The following TAFA2 variants were observed in gnomAD, a reference collection of about 807,000 sequenced individuals.
TAFA2 encodes the protein TAFA chemokine like family member 2.
Under a neutral mutation model 18.8 loss-of-function variants are expected in TAFA2, and 7 were observed. That is an observed-to-expected ratio of 0.37 (90% CI 0.21 to 0.70). The LOEUF (loss-of-function observed/expected upper bound fraction) is 0.70, where lower values mean the gene tolerates loss of function less well. Ranked by LOEUF, TAFA2 falls within the 30% of genes least tolerant of loss-of-function variation. TAFA2 has a pLI of 0.53. For synonymous variants in TAFA2, 60 were observed against 54.2 expected (o/e 1.11, Z -0.47); for missense variants, 122 against 158.1 (o/e 0.77, Z 1.23).
At chr12:61,999,913 C>T (rs1257139835) in intron 1 of TAFA2, among the ~76,000 whole-genome samples, 7 of 152,132 alleles carry the variant, frequency 4.6e-5, no homozygotes, top group Non-Finnish European at 7.4e-5. Context: ...AGCATCTTGG[C>T]TCATATAGGT....
At chr12:61,989,695 TC>T (rs1410341239) in intron 1 of TAFA2, among the ~76,000 whole-genome samples, 1 of 152,156 alleles carries the variant, frequency 6.6e-6, no homozygotes, top group Non-Finnish European at 1.5e-5. Context: ...CTGGCAAGCT[TC>T]CAATCATTTG....
chr12:62,112,514 T>G (rs1869779826), intron 1 of TAFA2, among the ~76,000 whole-genome samples: 1 of 151,926 alleles, frequency 6.6e-6, no homozygotes, highest in Non-Finnish European at 1.5e-5. Flanking sequence ...TCTGTATTTC[T>G]AATTTGAATG....
intron 1 of TAFA2, among the ~76,000 whole-genome samples, chr12:62,182,591 A>G (rs2062559575): frequency 6.6e-6 from 1 of 152,176 alleles, no homozygotes; most frequent in African/African-American, 2.4e-5. Context: ...TTCCCTGGTA[A>G]TTTGTGTACA....
intron 1 of TAFA2, among the ~76,000 whole-genome samples, chr12:61,868,579 A>G (rs1227438703): frequency 1.3e-5 from 2 of 151,856 alleles, no homozygotes; most frequent in South Asian, 2.1e-4. Context: ...TTTTTTGTAC[A>G]TTTTTACCTC....
intron 1 of TAFA2, among the ~76,000 whole-genome samples, chr12:61,890,813 A>C (rs73129642): frequency 0.34 from 52,073 of 152,028 alleles, 10,220 homozygotes; most frequent in Admixed American, 0.49. Context: ...AACCATTTTC[A>C]GTGTTTTCCT....
chr12:62,189,653 G>T (rs2062609133), intron 1 of TAFA2, among the ~76,000 whole-genome samples: 1 of 152,126 alleles, frequency 6.6e-6, no homozygotes, highest in South Asian at 2.1e-4. Context: ...AGCTTTAGAA[G>T]TGTTTTTAAT....
At chr12:62,081,581 T>G (rs1161269309) in intron 1 of TAFA2, among the ~76,000 whole-genome samples, 1 of 151,984 alleles carries the variant, frequency 6.6e-6, no homozygotes, top group African/African-American at 2.4e-5. Context: ...GCCTCCCAGG[T>G]TCAAGTGATT....
intron 1 of TAFA2, among the ~76,000 whole-genome samples, chr12:62,152,999 T>C (rs1004477233): frequency 3.9e-5 from 6 of 152,192 alleles, no homozygotes; most frequent in Non-Finnish European, 8.8e-5. Flanking sequence ...CTATTAATAA[T>C]GCTAGCACCA....
At chr12:62,143,766 G>A (rs1192653914) in intron 1 of TAFA2, among the ~76,000 whole-genome samples, 4 of 151,962 alleles carry the variant, frequency 2.6e-5, no homozygotes, top group Non-Finnish European at 5.9e-5. Context: ...AATTCGGCAG[G>A]GTGTGGTGGC....
intron 1 of TAFA2, among the ~76,000 whole-genome samples, chr12:61,931,299 T>C (rs757697491): frequency 6.6e-6 from 1 of 152,190 alleles, no homozygotes; most frequent in East Asian, 1.9e-4. Flanking sequence ...TTATATTAGA[T>C]TGGAAATCTC....
intron 4 of TAFA2, among the ~76,000 whole-genome samples, chr12:61,730,818 A>T (rs1204726848): frequency 6.6e-6 from 1 of 152,104 alleles, no homozygotes; most frequent in African/African-American, 2.4e-5. Context: ...CAGGGCTGAG[A>T]TCTTGTCCCA....
intron 2 of TAFA2, among the ~76,000 whole-genome samples, chr12:61,778,293 A>T (rs1430874279): frequency 6.6e-6 from 1 of 151,790 alleles, no homozygotes; most frequent in Non-Finnish European, 1.5e-5. Flanking sequence ...GAAGCTGCCA[A>T]GAAAAACTTT....
At chr12:61,852,936 A>G (rs964766470) in intron 2 of TAFA2, among the ~76,000 whole-genome samples, 1 of 152,204 alleles carries the variant, frequency 6.6e-6, no homozygotes, top group African/African-American at 2.4e-5. Context: ...CAAAGGGTAC[A>G]AACCTTTAGC....
chr12:62,001,811 T>G (rs1251476802), intron 1 of TAFA2, among the ~76,000 whole-genome samples: 2 of 152,052 alleles, frequency 1.3e-5, no homozygotes, highest in African/African-American at 4.8e-5. Context: ...AATCAAAAAA[T>G]TATAACTACA....
At position 62,002,887 on chromosome 12, in the gene TAFA2, A is replaced by C. The variant is rs141865400; in HGVS notation, c.-1-135461T>G. ...CTTTCTACCTTATTCCTTCCAGTAC[A>C]TCAATTCACTCTAAAAATGCTTAAA... On this transcript the variant is annotated intron_variant, in intron 1 of 4. Coordinates refer to ENST00000416284, the MANE Select transcript of TAFA2 (RefSeq NM_178539.5). Among the ~76,000 whole-genome samples the C allele has an allele frequency of 2.2e-3, 332 of 152,242 alleles. 4 individuals carry two copies. Among genetic ancestry groups the C allele is most frequent in the South Asian group, 0.016 (77 of 4,822 alleles).
chr12:62,175,720 AG>A lies in TAFA2; in HGVS notation c.-2+15538del, dbSNP rs543646972. Among the ~76,000 whole-genome samples, 6 of 152,240 alleles carry A rather than the reference AG, an allele frequency of 3.9e-5. 1 individual carries two copies. In the South Asian group the frequency reaches 1.2e-3, roughly 32 times the overall value. On this transcript the variant is annotated intron_variant, in intron 1 of 4. Transcript: ENST00000416284. ...GCCTTTCTCTTAGCCTCAGCTAGGAAGTTTTATTGCTAGTTATAATTCTAAA... is the reference window on the plus strand; with the variant it reads ...GCCTTTCTCTTAGCCTCAGCTAGGAATTTTATTGCTAGTTATAATTCTAAA...
intron 2 of TAFA2, among the ~76,000 whole-genome samples, chr12:61,762,738 C>T (rs529086708): frequency 5.7e-4 from 86 of 151,430 alleles, no homozygotes; most frequent in African/African-American, 2.0e-3. Context: ...GTAAATTTAG[C>T]GTCAAGTTGT....
intron 1 of TAFA2, among the ~76,000 whole-genome samples, chr12:62,043,893 T>C (rs758837853): frequency 1.3e-5 from 2 of 152,186 alleles, no homozygotes; most frequent in Non-Finnish European, 2.9e-5. Context: ...TTAACAATTA[T>C]GATAACTACT....
chr12:62,103,548 C>T (rs1869302795), intron 1 of TAFA2, among the ~76,000 whole-genome samples: 1 of 152,068 alleles, frequency 6.6e-6, no homozygotes, highest in African/African-American at 2.4e-5. Context: ...TCGAGACCAG[C>T]CTGACCAACA....
Sources: allele counts gnomAD v4.1 joint callset (sites outside exome capture counted in the v4.1 genomes callset), GRCh38; gene constraint gnomAD v4.1.1; transcripts MANE v1.5; gene names NCBI Gene and HGNC (gene_info 2026-07-23, HGNC 2026-07-21).